Variants in PCDHA3 observed in about 807,000 individuals in gnomAD.
PCDHA3 encodes the protein protocadherin alpha 3.
Under a neutral mutation model 62.2 loss-of-function variants are expected in PCDHA3, and 41 were observed. That is an observed-to-expected ratio of 0.66 (90% CI 0.51 to 0.86). PCDHA3 has a LOEUF of 0.86. Among genes scored for constraint, PCDHA3 ranks in the 40% least tolerant of loss-of-function variants. The pLI is 0.00. For missense variants in PCDHA3, 1,304 were observed against 1,241.2 expected (o/e 1.05, Z -0.76); for synonymous variants, 640 against 555.4 (o/e 1.15, Z -2.14).
At position 140,971,106 on chromosome 5, in the gene PCDHA3, G is replaced by T. The variant is rs529915701; in HGVS notation, c.2395-7843G>T. Among the ~76,000 whole-genome samples, 46 of 152,304 alleles carry T rather than the reference G, an allele frequency of 3.0e-4. No homozygotes were observed. In the South Asian group the frequency reaches 4.1e-3, roughly 14 times the overall value. ...AACAAATTCTTGTGAAGCCCTTTGG[G>T]ATTGGGGTGGGCTACAGGTGGTGAA... is the stretch of plus-strand genomic sequence containing the variant. On this transcript the variant is annotated intron_variant, in intron 1 of 3. Transcript: ENST00000522353.
At chr5:140,985,151 A>G (rs1335001570) in intron 3 of PCDHA3, among the ~76,000 whole-genome samples, 3 of 152,092 alleles carry the variant, frequency 2.0e-5, no homozygotes, top group Admixed American at 2.0e-4. Flanking sequence ...GTTAGCCAGG[A>G]TTGTCTCAAT....
At chr5:140,892,950 C>G (rs553307667) in intron 1 of PCDHA3, among the ~76,000 whole-genome samples, 21 of 152,188 alleles carry the variant, frequency 1.4e-4, no homozygotes, top group Non-Finnish European at 2.9e-4. Context: ...AATACTACTT[C>G]CATGAGCTCA....
intron 1 of PCDHA3, among the ~76,000 whole-genome samples, chr5:140,945,222 A>T (rs1019202574): frequency 4.6e-5 from 7 of 152,260 alleles, no homozygotes; most frequent in Middle Eastern, 6.8e-3. Context: ...AAATAAAAAT[A>T]CTTAGGAATA....
intron 1 of PCDHA3, chr5:140,849,645 C>A: frequency 6.3e-7 from 1 of 1,598,746 alleles, no homozygotes; most frequent in Non-Finnish European, 8.6e-7. Flanking sequence ...TGCCAACGGG[C>A]AGGTTACCTG....
intron 1 of PCDHA3, chr5:140,823,491 C>A (rs2150126356): frequency 6.2e-7 from 1 of 1,613,202 alleles, no homozygotes; most frequent in South Asian, 1.1e-5. Context: ...TGGGTGGCAC[C>A]GGCGGCGCAG....
intron 1 of PCDHA3, among the ~76,000 whole-genome samples, chr5:140,826,810 A>G (rs967929234): frequency 6.6e-6 from 1 of 152,172 alleles, no homozygotes; most frequent in African/African-American, 2.4e-5. Flanking sequence ...CTAACATGTG[A>G]TTACATATTA....
At chr5:140,933,119 G>A (rs782069505) in intron 1 of PCDHA3, among the ~76,000 whole-genome samples, 1 of 151,936 alleles carries the variant, frequency 6.6e-6, no homozygotes, top group African/African-American at 2.4e-5. Context: ...AAGAAACAAA[G>A]CTAAATAATA....
intron 1 of PCDHA3, chr5:140,858,606 T>A: frequency 8.0e-7 from 1 of 1,257,634 alleles, no homozygotes; most frequent in Non-Finnish European, 1.1e-6. Flanking sequence ...GTTTTAAAAT[T>A]TTTTTATCCT....
Position 140,870,153 on chromosome 5 carries a change from C to T in PCDHA3, c.2394+66562C>T, listed in dbSNP as rs537593818. 3.1e-6 allele frequency: 5 copies of T among 1,613,972 alleles called. No individual in the cohort carries two copies. The East Asian group carries it at 8.9e-5, about 29-fold the overall frequency. On this transcript the variant is annotated intron_variant, in intron 1 of 3. Transcript: ENST00000522353. ...CCAACGATAACTCTCCTGAAGTCGC[C>T]GTGACTTCCTTGTCCCTCCCAGTAC...
At chr5:140,979,052 G>T (rs2096833352) in intron 2 of PCDHA3, 45 bp downstream of exon 2, 1 of 1,609,668 alleles carries the variant, frequency 6.2e-7, no homozygotes, top group Non-Finnish European at 8.5e-7. Context: ...CCTTAACTTG[G>T]TATGGCTCAG....
intron 1 of PCDHA3, chr5:140,808,763 G>A (rs1554124770): frequency 1.9e-6 from 3 of 1,612,286 alleles, no homozygotes; most frequent in Non-Finnish European, 2.5e-6. Flanking sequence ...GCTGGACCAC[G>A]AGGAGCTAGA....
chr5:140,970,019 A>G (rs1385793747), intron 1 of PCDHA3, among the ~76,000 whole-genome samples: 2 of 152,212 alleles, frequency 1.3e-5, no homozygotes, highest in Non-Finnish European at 2.9e-5. Context: ...ATGGTGAGGC[A>G]GAGAGATTAA....
At chr5:140,807,369 C>T (rs782357546) in intron 1 of PCDHA3, 4 of 1,608,330 alleles carry the variant, frequency 2.5e-6, no homozygotes, top group South Asian at 2.2e-5. Flanking sequence ...GAGCTGGTGC[C>T]GCGCCTGTTC....
rs1016261014 is a variant in PCDHA3 at position 140,830,559 on chromosome 5, A to G, written c.2394+26968A>G. ...ATTGTTTTCCTCATATTTGTCTTCT[A>G]TATTTCTGTTTTTAATTTTTAATTA... On this transcript the variant is annotated intron_variant, in intron 1 of 3. Transcript: ENST00000522353. 69 of 1,015,108 alleles carry G rather than the reference A, an allele frequency of 6.8e-5. 1 individual carries two copies. Among genetic ancestry groups the G allele is most frequent in the African/African-American group, 1.5e-4 (9 of 59,492 alleles). The allele number at this position is 1,015,108 out of a possible 1,614,324, so 62.9% of individuals were successfully genotyped here.
At chr5:140,817,592 C>T (rs1012738110) in intron 1 of PCDHA3, 1 of 152,152 alleles carries the variant, frequency 6.6e-6, no homozygotes, top group African/African-American at 2.4e-5. Flanking sequence ...TTAATAATTC[C>T]AGGCAACGCT....
intron 1 of PCDHA3, chr5:140,834,397 A>G: frequency 1.3e-6 from 2 of 1,599,794 alleles, no homozygotes; most frequent in Non-Finnish European, 1.7e-6. Context: ...GTGTGCCCGA[A>G]TGGATACGAC....
chr5:140,880,614 GGGA>G (rs2058396473), intron 1 of PCDHA3, among the ~76,000 whole-genome samples: 1 of 152,182 alleles, frequency 6.6e-6, no homozygotes, highest in South Asian at 2.1e-4. Context: ...GTAAGCAAGA[GGGA>G]GGAGTTAATT....
intron 1 of PCDHA3, chr5:140,877,951 G>A (rs1562741853): frequency 7.4e-7 from 1 of 1,344,742 alleles, no homozygotes; most frequent in Non-Finnish European, 9.7e-7. Context: ...ACTATCGAAT[G>A]TCTCATCTTT....
At chr5:140,872,792 G>A (rs1474880199) in intron 1 of PCDHA3, among the ~76,000 whole-genome samples, 1 of 152,054 alleles carries the variant, frequency 6.6e-6, no homozygotes, top group Non-Finnish European at 1.5e-5. Context: ...ATGCTAGTTG[G>A]CATTCTTCCA....
Sources: gnomAD v4.1 joint callset for allele counts (sites outside exome capture counted in the v4.1 genomes callset) on GRCh38, gnomAD v4.1.1 for gene constraint, MANE v1.5 for transcripts, NCBI Gene and HGNC (gene_info 2026-07-23, HGNC 2026-07-21) for gene names.